IGSF11: variants seen among roughly 807,000 people sequenced by gnomAD.
The protein encoded by IGSF11 is CXADR like 1.
A neutral mutation model predicts 41.0 loss-of-function variants in IGSF11; 22 were observed. The observed-to-expected ratio is 0.54, with a 90% CI of 0.38 to 0.77. IGSF11 has a LOEUF of 0.77. Among genes scored for constraint, IGSF11 ranks in the 30% least tolerant of loss-of-function variants. IGSF11 has a pLI of 0.00. For missense variants in IGSF11, 444 were observed against 530.8 expected, an observed-to-expected ratio of 0.84 and a Z score of 1.61; for synonymous variants, 219 against 201.3, an observed-to-expected ratio of 1.09 and a Z score of -0.74.
At chr3:119,009,901 A>G (rs952244287) in intron 1 of IGSF11, among the ~76,000 whole-genome samples, 3 of 152,224 alleles carry the variant, frequency 2.0e-5, no homozygotes, top group Non-Finnish European at 4.4e-5. Context: ...CTTGAATTAT[A>G]CTATACCTAG....
At chr3:119,015,898 T>C (rs1442296500) in intron 1 of IGSF11, among the ~76,000 whole-genome samples, 1 of 152,106 alleles carries the variant, frequency 6.6e-6, no homozygotes, top group Non-Finnish European at 1.5e-5. Context: ...CCACTTTCCA[T>C]GAGAGAAAAA....
chr3:118,966,448 T>C (rs1945680873), intron 1 of IGSF11, among the ~76,000 whole-genome samples: 1 of 152,184 alleles, frequency 6.6e-6, no homozygotes, highest in Non-Finnish European at 1.5e-5. Flanking sequence ...TTATTTGGTT[T>C]ATCTTAATTA....
At chr3:118,976,557 C>T (rs1010229448) in intron 1 of IGSF11, among the ~76,000 whole-genome samples, 1 of 152,172 alleles carries the variant, frequency 6.6e-6, no homozygotes. Context: ...CATGCTGCTA[C>T]AGCGAGTACA....
chr3:119,076,852 A>T (rs143868555), intron 1 of IGSF11, among the ~76,000 whole-genome samples: 3,017 of 152,284 alleles, frequency 0.02, 102 homozygotes, highest in African/African-American at 0.069. Flanking sequence ...ATTGTGGAAG[A>T]CAGTGTGGCA....
At chr3:119,103,317 T>G (rs2076968615) in intron 1 of IGSF11, among the ~76,000 whole-genome samples, 1 of 152,132 alleles carries the variant, frequency 6.6e-6, no homozygotes, top group South Asian at 2.1e-4. Flanking sequence ...ATGTGATCTA[T>G]GACAACTTTT....
intron 1 of IGSF11, among the ~76,000 whole-genome samples, chr3:118,976,404 C>T (rs1395526081): frequency 6.6e-6 from 1 of 152,162 alleles, no homozygotes; most frequent in Non-Finnish European, 1.5e-5. Flanking sequence ...TCAAATAGCA[C>T]CTTGTACATA....
At chr3:119,023,198 G>A (rs1251290330) in intron 1 of IGSF11, among the ~76,000 whole-genome samples, 1 of 146,304 alleles carries the variant, frequency 6.8e-6, no homozygotes, top group East Asian at 2.1e-4. Context: ...GGGAGGCGGA[G>A]GTTGCAGTGA....
At chr3:119,056,687 C>T (rs1369435737) in intron 1 of IGSF11, among the ~76,000 whole-genome samples, 1 of 152,154 alleles carries the variant, frequency 6.6e-6, no homozygotes. Flanking sequence ...AATTTTAGAC[C>T]AATGTCCTTG....
At chr3:119,054,607 T>C (rs1435264982) in intron 1 of IGSF11, among the ~76,000 whole-genome samples, 2 of 152,186 alleles carry the variant, frequency 1.3e-5, no homozygotes, top group East Asian at 1.9e-4. Context: ...ACAACCACTA[T>C]GGAAAACAGT....
intron 1 of IGSF11, among the ~76,000 whole-genome samples, chr3:119,049,306 G>A (rs1941511473): frequency 6.6e-6 from 1 of 151,432 alleles, no homozygotes; most frequent in Non-Finnish European, 1.5e-5. Context: ...AAAGTCTCAG[G>A]ATACAAAATC....
chr3:119,108,762 C>T (rs2077084576), upstream of IGSF11, among the ~76,000 whole-genome samples: 1 of 144,468 alleles, frequency 6.9e-6, no homozygotes, highest in Admixed American at 7.1e-5. Flanking sequence ...AGATACGTCC[C>T]ATCAATACCT....
At chr3:119,091,038 G>A (rs1346640372) in intron 1 of IGSF11, among the ~76,000 whole-genome samples, 3 of 152,074 alleles carry the variant, frequency 2.0e-5, no homozygotes, top group South Asian at 2.1e-4. Context: ...ATTTAAAAAC[G>A]TGCAAAGGAC....
At chr3:118,933,343 G>A (rs1308081040) in intron 1 of IGSF11, among the ~76,000 whole-genome samples, 2 of 151,932 alleles carry the variant, frequency 1.3e-5, no homozygotes, top group East Asian at 1.9e-4. Flanking sequence ...CATACAAGGG[G>A]TATGATGAGG....
chr3:118,936,931 T>G (rs75090410), intron 1 of IGSF11, among the ~76,000 whole-genome samples: 4,019 of 152,188 alleles, frequency 0.026, 154 homozygotes, highest in African/African-American at 0.091. Context: ...ACTACTAGAG[T>G]CAAATGACAT....
intron 1 of IGSF11, among the ~76,000 whole-genome samples, chr3:119,129,724 C>T (rs2077451564): frequency 6.6e-6 from 1 of 152,150 alleles, no homozygotes; most frequent in Non-Finnish European, 1.5e-5. Flanking sequence ...ATGGCTCATA[C>T]CTGTAATCTC....
intron 1 of IGSF11, among the ~76,000 whole-genome samples, chr3:119,069,551 C>A: frequency 6.6e-6 from 1 of 151,858 alleles, no homozygotes; most frequent in Non-Finnish European, 1.5e-5. Context: ...ATAATAAAAC[C>A]CATGATACCC....
chr3:119,112,918 T>A (rs368139712), intron 1 of IGSF11: 1 of 152,468 alleles, frequency 6.6e-6, no homozygotes. Context: ...AGAGGAGGCC[T>A]CAGGAAACTT....
chr3:118,926,506 T>C (rs1427749319), intron 3 of IGSF11, among the ~76,000 whole-genome samples: 2 of 152,198 alleles, frequency 1.3e-5, no homozygotes, highest in African/African-American at 2.4e-5. Flanking sequence ...TCTTTGATTA[T>C]AGTTCCAAGG....
intron 1 of IGSF11, among the ~76,000 whole-genome samples, chr3:118,974,081 C>T (rs1933778451): frequency 6.6e-6 from 1 of 151,724 alleles, no homozygotes; most frequent in South Asian, 2.1e-4. Context: ...CCTGCACATC[C>T]TGCACGTGTA....
Sources: allele counts gnomAD v4.1 joint callset (sites outside exome capture counted in the v4.1 genomes callset), GRCh38; gene constraint gnomAD v4.1.1; transcripts MANE v1.5; gene names NCBI Gene and HGNC (gene_info 2026-07-23, HGNC 2026-07-21).